The following SLC12A7 variants were observed in gnomAD, a reference collection of about 807,000 sequenced individuals.
SLC12A7 encodes solute carrier family 12 member 7.
Under a neutral mutation model 120.6 loss-of-function variants are expected in SLC12A7, and 100 were observed. The ratio of observed to expected loss-of-function variants is 0.83; its 90% CI spans 0.71 to 0.98. SLC12A7 has a LOEUF of 0.98. SLC12A7 is among the 50% of genes least tolerant of loss of function. The probability of loss-of-function intolerance (pLI) is 0.00; values close to 1 mark genes in which losing one functional copy is unlikely to be tolerated. For synonymous variants in SLC12A7, 760 were observed against 678.0 expected (o/e 1.12, Z -1.88); for missense variants, 1,373 against 1,548.1 (o/e 0.89, Z 1.90).
At chr5:1,155,204 G>C in the SLC12A7 span, among the ~76,000 whole-genome samples, 5 of 151,816 alleles carry the variant, frequency 3.3e-5, no homozygotes, top group African/African-American at 1.2e-4. Context: ...CTGCTTCCCA[G>C]ATCTGCCGGG....
intron 1 of SLC12A7, among the ~76,000 whole-genome samples, chr5:1,097,838 G>A (rs913240336): frequency 1.3e-5 from 2 of 152,078 alleles, no homozygotes; most frequent in Non-Finnish European, 2.9e-5. Context: ...TAAAGAGAAC[G>A]CATCTCCCCT....
chr5:1,056,209 C>T (rs548274496), intron 22 of SLC12A7, among the ~76,000 whole-genome samples: 3 of 152,330 alleles, frequency 2.0e-5, no homozygotes, highest in East Asian at 3.9e-4. Context: ...GGTGGGAACG[C>T]GACTCAGCTA....
At chr5:1,151,007 A>G in the SLC12A7 span, among the ~76,000 whole-genome samples, 1 of 152,230 alleles carries the variant, frequency 6.6e-6, no homozygotes, top group East Asian at 1.9e-4. This position sits in a 1 kb window ranked among gnomAD's most constrained non-coding sequence, Gnocchi z 6.2. Flanking sequence ...GGGGCAGCCC[A>G]CTCTCCTGTG....
chr5:1,094,175 C>G lies in SLC12A7; in HGVS notation c.198G>C (p.Gly66=), dbSNP rs765067908. ...TTACCTCGAAAAGTGCCATGTTCTT[C>G]CCTTCAAAGAAGCTCTCTTGTTCCA... ...VEVEQESFFE[G]KNMALFEEEM... is the part of the protein sequence containing the mutation. The change falls in exon 2 of 24, where the codon GGG becomes GGC. Residue 66 remains glycine, a synonymous_variant. Coordinates refer to ENST00000264930, the MANE Select transcript of SLC12A7 (RefSeq NM_006598.3). 2.5e-5 allele frequency: 40 copies of G among 1,613,034 alleles called. No individual in the cohort carries two copies. In the Admixed American group the frequency reaches 6.7e-4, roughly 27 times the overall value.
the SLC12A7 span, among the ~76,000 whole-genome samples, chr5:1,153,413 C>G: frequency 3.5e-3 from 540 of 152,356 alleles, 4 homozygotes; most frequent in African/African-American, 0.013. Context: ...AGACCTTCAC[C>G]TGCCCCCACA....
chr5:1,137,944 G>C, the SLC12A7 span, among the ~76,000 whole-genome samples: 8 of 152,220 alleles, frequency 5.3e-5, no homozygotes, highest in Admixed American at 2.0e-4. Context: ...AGAAGGAGCA[G>C]TCTCTCTTGC....
the SLC12A7 span, among the ~76,000 whole-genome samples, chr5:1,125,427 A>AAAT: frequency 6.6e-6 from 1 of 152,178 alleles, no homozygotes; most frequent in Non-Finnish European, 1.5e-5. Context: ...ATGGTATTTT[A>AAAT]GTATTTTCAT....
At chr5:1,067,235 G>A (rs1325479569) in intron 17 of SLC12A7, among the ~76,000 whole-genome samples, 1 of 152,222 alleles carries the variant, frequency 6.6e-6, no homozygotes, top group Non-Finnish European at 1.5e-5. Flanking sequence ...GGTCAGGAAA[G>A]GCCTGAACAC....
intron 2 of SLC12A7, 145 bp from the exon 3 acceptor site, chr5:1,093,800 C>T (rs1436074657): frequency 1.6e-6 from 2 of 1,280,772 alleles, no homozygotes; most frequent in Non-Finnish European, 2.1e-6. Flanking sequence ...GCCTGGACAC[C>T]TGTGTGGCAG....
intron 6 of SLC12A7, 118 bp downstream of exon 6, chr5:1,086,785 G>A: frequency 7.3e-7 from 1 of 1,375,134 alleles, no homozygotes; most frequent in Non-Finnish European, 1.0e-6. Context: ...GGGCAGCCAG[G>A]GCAGTGGGGT....
chr5:1,074,695 T>C (rs1738124285), intron 15 of SLC12A7, 24 bp from the exon 16 acceptor site: 2 of 1,608,310 alleles, frequency 1.2e-6, no homozygotes, highest in African/African-American at 1.3e-5. Context: ...AGTCGGGGTT[T>C]GTCCAGCCGC....
At chr5:1,068,645 G>A (rs1019440002) in intron 17 of SLC12A7, among the ~76,000 whole-genome samples, 3 of 152,240 alleles carry the variant, frequency 2.0e-5, no homozygotes, top group Admixed American at 6.5e-5. Flanking sequence ...TGAGAGCAGC[G>A]GGGGCAGGGT....
At chr5:1,104,199 G>C (rs1742284810) in intron 1 of SLC12A7, among the ~76,000 whole-genome samples, 1 of 152,204 alleles carries the variant, frequency 6.6e-6, no homozygotes, top group African/African-American at 2.4e-5. Context: ...TGAAAGCCCA[G>C]GCCCGACCCG....
chr5:1,138,393 T>C, the SLC12A7 span, among the ~76,000 whole-genome samples: 2 of 152,218 alleles, frequency 1.3e-5, no homozygotes, highest in Non-Finnish European at 1.5e-5. Flanking sequence ...GAGTGCTGAT[T>C]GGTGCATTTA....
In SLC12A7 at chr5:1,063,912, TC is replaced by T; in HGVS notation, c.2670del (p.Met891Ter). 6.2e-7 allele frequency: 1 copy of T among 1,611,978 alleles called. No homozygotes were observed. On this transcript the variant is annotated frameshift_variant, in exon 20 of 24. Transcript: ENST00000264930. LOFTEE classifies it high-confidence loss of function. ...TVAQVDDNSIQMKKDLQMFLY... is the reference protein window; with the variant it reads ...TVAQVDDNSIXMKKDLQMFLY... ...AAGAACATCTGCAGGTCCTTCTTCATCTGGATGCTGTTGTCGTCCACCTGGG... is the reference window on the plus strand; with the variant it reads ...AAGAACATCTGCAGGTCCTTCTTCATTGGATGCTGTTGTCGTCCACCTGGG...
intron 9 of SLC12A7, among the ~76,000 whole-genome samples, chr5:1,079,975 T>C (rs1253620641): frequency 6.6e-6 from 1 of 152,304 alleles, no homozygotes; most frequent in South Asian, 2.1e-4. Context: ...CGGGGATGTT[T>C]CCACACAATC....
At chr5:1,069,399 G>A (rs916461180) in intron 17 of SLC12A7, among the ~76,000 whole-genome samples, 10 of 152,346 alleles carry the variant, frequency 6.6e-5, no homozygotes, top group East Asian at 1.9e-4. Flanking sequence ...GAAACGGACC[G>A]GGGAGGCGGT....
chr5:1,095,241 CTCTGAGAAGTT>C (rs1412105691), intron 1 of SLC12A7, among the ~76,000 whole-genome samples: 1 of 152,204 alleles, frequency 6.6e-6, no homozygotes, highest in East Asian at 1.9e-4. Context: ...GCCTCAAGAA[CTCTGAGAAGTT>C]TCTGTGTTCA....
Position 1,060,504 on chromosome 5 carries a change from G to T in SLC12A7, c.2740-53C>A, listed in dbSNP as rs1211725817. 1.2e-5 allele frequency: 17 copies of T among 1,375,110 alleles called. 1 individual carries two copies. Among genetic ancestry groups the T allele is most frequent in the Non-Finnish European group, 1.8e-5 (17 of 964,218 alleles). The allele number at this position is 1,375,110 out of a possible 1,614,324, so 85.2% of individuals were successfully genotyped here. A position where few individuals can be genotyped will look rare whatever the true frequency, so the allele number is the denominator to read the frequency against. On this transcript the variant is annotated intron_variant, in intron 20 of 23. Transcript: ENST00000264930. ...CCCGGTGTGCACAGAACCACGGATG[G>T]CTCCAACACCAGCCCGGTACCCAGA...
Sources: allele counts gnomAD v4.1 joint callset (sites outside exome capture counted in the v4.1 genomes callset), GRCh38; gene constraint gnomAD v4.1.1; non-coding constraint Gnocchi (gnomAD v3.1); transcripts MANE v1.5; gene names NCBI Gene and HGNC (gene_info 2026-07-23, HGNC 2026-07-21).